The following ASTN2 variants were observed in gnomAD, a reference collection of about 807,000 sequenced individuals.
The protein encoded by ASTN2 is astrotactin 2, also known as astrotactin-2.
Under a neutral mutation model 139.8 loss-of-function variants are expected in ASTN2, and 54 were observed. The ratio of observed to expected loss-of-function variants is 0.39; its 90% CI spans 0.31 to 0.48. The LOEUF is 0.48. ASTN2 is among the 20% of genes least tolerant of loss of function. The pLI is 0.95. For synonymous variants in ASTN2, 756 were observed against 719.5 expected, an observed-to-expected ratio of 1.05 and a Z score of -0.81; for missense variants, 1,565 against 1,725.1, an observed-to-expected ratio of 0.91 and a Z score of 1.64.
intron 19 of ASTN2, among the ~76,000 whole-genome samples, chr9:116,548,193 G>A (rs7868725): frequency 4.6e-5 from 7 of 152,144 alleles, no homozygotes; most frequent in African/African-American, 1.7e-4. Context: ...TCTAAGCCAG[G>A]CTCTGGCAGT....
At chr9:116,490,694 G>C (rs894513070) in intron 19 of ASTN2, among the ~76,000 whole-genome samples, 13 of 152,122 alleles carry the variant, frequency 8.5e-5, no homozygotes, top group Admixed American at 3.3e-4. Context: ...GGGGGAAATA[G>C]CCCCTTATAA....
chr9:117,053,489 C>A (rs773973905), intron 5 of ASTN2, among the ~76,000 whole-genome samples: 2 of 152,004 alleles, frequency 1.3e-5, no homozygotes, highest in Non-Finnish European at 2.9e-5. Context: ...GGGTAAATAG[C>A]ATTATGCTCA....
chr9:116,498,887 C>T (rs1475057), intron 19 of ASTN2, among the ~76,000 whole-genome samples: 47,691 of 152,038 alleles, frequency 0.31, 8,757 homozygotes, highest in Admixed American at 0.44. Context: ...AATTTGAATG[C>T]CAATACACTA....
chr9:117,048,978 T>TTTTTTTTC, intron 5 of ASTN2, among the ~76,000 whole-genome samples: 1 of 146,328 alleles, frequency 6.8e-6, no homozygotes, highest in Non-Finnish European at 1.5e-5. Context: ...TTTTTTTTTT[T>TTTTTTTTC]TTGAGACGGA....
intron 1 of ASTN2, among the ~76,000 whole-genome samples, chr9:117,341,926 G>A (rs568045179): frequency 5.3e-5 from 8 of 152,254 alleles, no homozygotes; most frequent in African/African-American, 1.9e-4. Flanking sequence ...TCAATTGCTT[G>A]AGTGCACCCT....
chr9:116,662,268 AGTT>A, intron 16 of ASTN2, among the ~76,000 whole-genome samples: 1 of 152,204 alleles, frequency 6.6e-6, no homozygotes, highest in African/African-American at 2.4e-5. Flanking sequence ...GACAATATAA[AGTT>A]GTTGAGATTT....
intron 5 of ASTN2, among the ~76,000 whole-genome samples, chr9:117,066,828 C>A (rs1827961817): frequency 6.8e-6 from 1 of 146,348 alleles, no homozygotes. Context: ...CTGTTCATGT[C>A]CTTCGCCCAC....
intron 1 of ASTN2, among the ~76,000 whole-genome samples, chr9:117,384,268 G>T (rs1226598631): frequency 6.6e-6 from 1 of 152,226 alleles, no homozygotes; most frequent in Admixed American, 6.5e-5. Context: ...ATCTTGGGAA[G>T]TTTTGGGAAA....
chr9:116,962,258 C>T (rs1160830301), intron 10 of ASTN2, among the ~76,000 whole-genome samples: 2 of 152,228 alleles, frequency 1.3e-5, no homozygotes, highest in African/African-American at 4.8e-5. Context: ...CACACACTGC[C>T]TCCCCAGTGA....
chr9:116,506,641 G>C (rs906548393), intron 19 of ASTN2, among the ~76,000 whole-genome samples: 1 of 152,144 alleles, frequency 6.6e-6, no homozygotes, highest in South Asian at 2.1e-4. Context: ...GAGAGAATGT[G>C]GGAGGAGGGC....
chr9:116,648,665 T>C (rs1857734824), intron 17 of ASTN2, among the ~76,000 whole-genome samples: 1 of 152,228 alleles, frequency 6.6e-6, no homozygotes, highest in Admixed American at 6.5e-5. Flanking sequence ...AGGCTTTATT[T>C]ATTTGTTCAG....
At chr9:116,605,964 C>T (rs1264747658) in intron 19 of ASTN2, among the ~76,000 whole-genome samples, 1 of 152,076 alleles carries the variant, frequency 6.6e-6, no homozygotes, top group Non-Finnish European at 1.5e-5. Flanking sequence ...CTGGACAAGT[C>T]CATCTCCTCT....
chr9:117,200,328 T>G (rs948741501), intron 3 of ASTN2, among the ~76,000 whole-genome samples: 6 of 151,670 alleles, frequency 4.0e-5, no homozygotes, highest in African/African-American at 1.5e-4. Flanking sequence ...CTTGACTTCT[T>G]CTCTTCCTAT....
chr9:117,032,350 A>G (rs1838270741), intron 6 of ASTN2, among the ~76,000 whole-genome samples: 1 of 152,156 alleles, frequency 6.6e-6, no homozygotes, highest in Non-Finnish European at 1.5e-5. Flanking sequence ...GGCTGTGCAA[A>G]TGAGTTAACA....
chr9:116,597,501 A>T (rs1190875124), intron 19 of ASTN2, among the ~76,000 whole-genome samples: 1 of 151,766 alleles, frequency 6.6e-6, no homozygotes, highest in Non-Finnish European at 1.5e-5. Context: ...CATGTTGTTC[A>T]GGATGGTCTT....
At chr9:116,898,058 A>G (rs557595576) in intron 10 of ASTN2, among the ~76,000 whole-genome samples, 1 of 152,136 alleles carries the variant, frequency 6.6e-6, no homozygotes, top group Non-Finnish European at 1.5e-5. Context: ...ACTTAAAAAA[A>G]GAGAGAAATG....
At chr9:116,506,811 A>T (rs57793927) in intron 19 of ASTN2, among the ~76,000 whole-genome samples, 1,984 of 152,212 alleles carry the variant, frequency 0.013, 37 homozygotes, top group African/African-American at 0.045. Flanking sequence ...CCTGCAGGGG[A>T]GGGAGCGACT....
intron 11 of ASTN2, among the ~76,000 whole-genome samples, chr9:116,833,633 C>G (rs946508745): frequency 2.6e-5 from 4 of 152,166 alleles, no homozygotes; most frequent in Non-Finnish European, 5.9e-5. Flanking sequence ...TTTATTTCAT[C>G]TAGTTCAGTC....
intron 11 of ASTN2, among the ~76,000 whole-genome samples, chr9:116,861,214 TACACACACACACACACACACACACAC>T (rs60909208): frequency 4.2e-4 from 61 of 143,770 alleles, no homozygotes; most frequent in African/African-American, 1.5e-3. Flanking sequence ...AAGCCCAAGC[TACACACACACACACACACACACACAC>T]ACACACACAC....
Sources: gnomAD v4.1 joint callset for allele counts (sites outside exome capture counted in the v4.1 genomes callset) on GRCh38, gnomAD v4.1.1 for gene constraint, MANE v1.5 for transcripts, NCBI Gene and HGNC (gene_info 2026-07-23, HGNC 2026-07-21) for gene names.